The following CBL variants were observed in gnomAD, a reference collection of about 807,000 sequenced individuals.
The protein encoded by CBL is Cbl proto-oncogene, also known as E3 ubiquitin-protein ligase CBL.
Under a neutral mutation model 96.9 loss-of-function variants are expected in CBL, and 45 were observed. That is an observed-to-expected ratio of 0.46 (90% CI 0.37 to 0.60). The LOEUF (loss-of-function observed/expected upper bound fraction) is 0.60. Among genes scored for constraint, CBL ranks in the 20% least tolerant of loss-of-function variants. CBL has a pLI of 0.00. For synonymous variants in CBL, 420 were observed against 426.8 expected (o/e 0.98, Z 0.20); for missense variants, 1,024 against 1,143.5 (o/e 0.90, Z 1.51).
At chr11:119,284,779 AC>A (rs1295197960) in intron 9 of CBL, among the ~76,000 whole-genome samples, 189 bp from the exon 10 acceptor site, 2 of 152,158 alleles carry the variant, frequency 1.3e-5, no homozygotes, top group African/African-American at 4.8e-5. Context: ...TTATGGTGAC[AC>A]AAAAATTATT....
At chr11:119,277,241 G>GCGCACACACACACA (rs1035208999) in intron 6 of CBL, among the ~76,000 whole-genome samples, 18 of 146,386 alleles carry the variant, frequency 1.2e-4, no homozygotes, top group Non-Finnish European at 2.0e-4. Flanking sequence ...AATCTGTCGC[G>GCGCACACACACACA]CACACACACA....
At chr11:119,271,457 G>A (rs1386539899) in intron 2 of CBL, among the ~76,000 whole-genome samples, 1 of 152,142 alleles carries the variant, frequency 6.6e-6, no homozygotes, top group Non-Finnish European at 1.5e-5. Flanking sequence ...CATTGTGTTT[G>A]TATCTTTCAT....
chr11:119,285,959 A>T (rs1480661582), intron 11 of CBL, among the ~76,000 whole-genome samples: 1 of 151,686 alleles, frequency 6.6e-6, no homozygotes, highest in African/African-American at 2.4e-5. Flanking sequence ...AAATTTTGTG[A>T]TAAGTTTTAT....
intron 1 of CBL, among the ~76,000 whole-genome samples, chr11:119,226,705 A>C (rs1196807821): frequency 6.6e-6 from 1 of 151,802 alleles, no homozygotes; most frequent in Non-Finnish European, 1.5e-5. Flanking sequence ...TGATCTGCCT[A>C]CCTCAGCCTC....
intron 12 of CBL, among the ~76,000 whole-genome samples, chr11:119,294,337 G>A (rs1168527184): frequency 6.6e-6 from 1 of 151,552 alleles, no homozygotes; most frequent in Non-Finnish European, 1.5e-5. Flanking sequence ...GCTGGGGCAG[G>A]AGAAATGCTT....
intron 2 of CBL, among the ~76,000 whole-genome samples, chr11:119,234,496 A>G (rs773094786): frequency 6.6e-6 from 1 of 152,216 alleles, no homozygotes; most frequent in Non-Finnish European, 1.5e-5. Context: ...TCTAAAAAAT[A>G]ATTTTAATTC....
intron 2 of CBL, 70 bp from the exon 3 acceptor site, chr11:119,271,665 T>C (rs1228286091): frequency 2.8e-5 from 34 of 1,228,838 alleles, no homozygotes; most frequent in Non-Finnish European, 3.8e-5. Context: ...ACATCTTGTA[T>C]GGTGAATTTG....
chr11:119,294,844 T>TA (rs1234864041), intron 12 of CBL, among the ~76,000 whole-genome samples: 6 of 129,694 alleles, frequency 4.6e-5, no homozygotes, highest in Non-Finnish European at 6.4e-5. Flanking sequence ...ACTGAAGAAA[T>TA]AAATGTTACC....
rs1950140813 is a variant in CBL, at chr11:119,306,350, C to A, written c.*6569C>A. ...GGCAGCTGAAGAAATCAGCAGAGTC[C>A]TGATTGCCTGATTCAGTCCCAAAAA... On this transcript the variant is annotated 3_prime_UTR_variant, in exon 16 of 16. Transcript: ENST00000264033. 7.5e-6 allele frequency: 3 copies of A among 398,626 alleles called. No homozygotes were observed. Among genetic ancestry groups the A allele is most frequent in the Non-Finnish European group, 1.3e-5 (3 of 226,162 alleles). The allele number at this position is 398,626 out of a possible 1,614,324, so 24.7% of individuals were successfully genotyped here. A position where few individuals can be genotyped will look rare whatever the true frequency, so the allele number is the denominator to read the frequency against.
At chr11:119,296,211 G>A (rs747960001) in intron 12 of CBL, among the ~76,000 whole-genome samples, 2 of 152,188 alleles carry the variant, frequency 1.3e-5, no homozygotes, top group Non-Finnish European at 2.9e-5. Flanking sequence ...TAGGAAGGGA[G>A]GAGAAACACA....
chr11:119,262,131 CCT>C (rs1358939476), intron 2 of CBL, among the ~76,000 whole-genome samples: 1 of 152,154 alleles, frequency 6.6e-6, no homozygotes, highest in Non-Finnish European at 1.5e-5. Flanking sequence ...GGGCACTTCA[CCT>C]CTGTTATTCT....
chr11:119,249,842 T>TA (rs1204396121), intron 2 of CBL, among the ~76,000 whole-genome samples: 17 of 151,908 alleles, frequency 1.1e-4, no homozygotes, highest in African/African-American at 3.9e-4. Flanking sequence ...TTTGTACAGA[T>TA]ACAGCCTCAT....
intron 2 of CBL, among the ~76,000 whole-genome samples, chr11:119,256,330 C>G (rs1190001933): frequency 6.6e-6 from 1 of 151,928 alleles, no homozygotes; most frequent in Non-Finnish European, 1.5e-5. Context: ...CAGGCATCCG[C>G]CGCTACGCCC....
chr11:119,213,413 A>G (rs1949334039), intron 1 of CBL, among the ~76,000 whole-genome samples: 1 of 152,176 alleles, frequency 6.6e-6, no homozygotes, highest in South Asian at 2.1e-4. Context: ...TAGGAGAAAT[A>G]TGTCTGAAGT....
chr11:119,298,621 C>G, intron 15 of CBL, 81 bp downstream of exon 15: 6 of 1,230,376 alleles, frequency 4.9e-6, no homozygotes, highest in Non-Finnish European at 7.2e-6. Context: ...ATGACCTTCT[C>G]TGGTGACAGT....
intron 2 of CBL, among the ~76,000 whole-genome samples, chr11:119,263,206 G>A (rs1949767796): frequency 6.6e-6 from 1 of 152,222 alleles, no homozygotes; most frequent in South Asian, 2.1e-4. Context: ...GTGTTTGGTG[G>A]AACATTGACT....
intron 1 of CBL, among the ~76,000 whole-genome samples, chr11:119,225,836 T>C (rs1452828823): frequency 6.6e-6 from 1 of 151,388 alleles, no homozygotes; most frequent in African/African-American, 2.4e-5. Context: ...CAACCGATTC[T>C]TCTGCCTCAG....
At chr11:119,296,064 C>A (rs1275410330) in intron 12 of CBL, among the ~76,000 whole-genome samples, 1 of 152,078 alleles carries the variant, frequency 6.6e-6, no homozygotes, top group East Asian at 1.9e-4. Flanking sequence ...AAGGGGACTT[C>A]TATGTTCTGT....
chr11:119,297,334 A>G (rs758469810), intron 13 of CBL, 50 bp from the exon 14 acceptor site: 4 of 1,351,564 alleles, frequency 3.0e-6, no homozygotes, highest in South Asian at 1.2e-5. Context: ...AAGTTTATAG[A>G]TAACAGTTCT....
Sources: allele counts gnomAD v4.1 joint callset (sites outside exome capture counted in the v4.1 genomes callset), GRCh38; gene constraint gnomAD v4.1.1; transcripts MANE v1.5; gene names NCBI Gene and HGNC (gene_info 2026-07-23, HGNC 2026-07-21).